Variants in KCNH7 observed in about 807,000 individuals in gnomAD.
The protein encoded by KCNH7 is potassium voltage-gated channel subfamily H member 7.
In KCNH7, 49 loss-of-function variants were observed where a neutral mutation model predicts 120.8. The ratio of observed to expected loss-of-function variants is 0.41; its 90% CI spans 0.32 to 0.51. The LOEUF is 0.51. Ranked by LOEUF, KCNH7 falls within the 20% of genes least tolerant of loss-of-function variation. The pLI, the probability that KCNH7 is intolerant of heterozygous loss-of-function variation, is 0.38. For missense variants in KCNH7, 1,097 were observed against 1,446.6 expected, an observed-to-expected ratio of 0.76 and a Z score of 3.92; for synonymous variants, 547 against 516.1, an observed-to-expected ratio of 1.06 and a Z score of -0.81.
At chr2:162,547,476 G>C (rs1692517743) in intron 2 of KCNH7, among the ~76,000 whole-genome samples, 1 of 152,144 alleles carries the variant, frequency 6.6e-6, no homozygotes, top group African/African-American at 2.4e-5. Context: ...ATCTGATTTT[G>C]ATAATAGCTA....
intron 2 of KCNH7, among the ~76,000 whole-genome samples, chr2:162,778,258 T>A (rs1278276815): frequency 1.3e-5 from 2 of 152,180 alleles, no homozygotes; most frequent in African/African-American, 4.8e-5. Context: ...GTTGATATTA[T>A]ATTATTTATC....
At chr2:162,579,025 T>A (rs1038547298) in intron 2 of KCNH7, among the ~76,000 whole-genome samples, 1 of 151,966 alleles carries the variant, frequency 6.6e-6, no homozygotes, top group Non-Finnish European at 1.5e-5. Flanking sequence ...CATAAAATAA[T>A]CCTATGTGTT....
At chr2:162,386,952 A>G (rs985097316) in intron 12 of KCNH7, among the ~76,000 whole-genome samples, 1 of 151,658 alleles carries the variant, frequency 6.6e-6, no homozygotes, top group Admixed American at 6.6e-5. Context: ...TGTGTTTACA[A>G]AATGTGGTCA....
chr2:162,755,348 T>C (rs899921790), intron 2 of KCNH7, among the ~76,000 whole-genome samples: 23 of 152,102 alleles, frequency 1.5e-4, no homozygotes, highest in African/African-American at 5.6e-4. Context: ...GGTGGGCACC[T>C]GTAATCCTAG....
intron 2 of KCNH7, among the ~76,000 whole-genome samples, chr2:162,647,576 C>T (rs1409028950): frequency 2.0e-5 from 3 of 152,142 alleles, no homozygotes; most frequent in Non-Finnish European, 2.9e-5. Context: ...TTCCCCCATA[C>T]TGTTCTCGTG....
intron 2 of KCNH7, among the ~76,000 whole-genome samples, chr2:162,733,810 C>T (rs573569027): frequency 3.0e-4 from 46 of 152,196 alleles, no homozygotes; most frequent in African/African-American, 1.1e-3. Flanking sequence ...GTGAATAGAA[C>T]AAGATAGAAA....
At position 162,836,820 on chromosome 2, in the gene KCNH7, C is replaced by T. The variant is rs201904360; in HGVS notation, c.77-53G>A. The T allele has an allele frequency of 3.0e-4, 388 of 1,306,592 alleles. 3 individuals carry two copies. In the East Asian group the frequency reaches 4.2e-3, roughly 14 times the overall value. 80.9% of individuals were successfully genotyped at this position (1,306,592 alleles called of 1,614,324 possible). The stretch of plus-strand genomic sequence containing the variant: ...TTGAAAAAGCTTCCACAATATTCTC[C>T]GTAACACTGAAGCAATTTGTTGCAT... On this transcript the variant is annotated intron_variant, in intron 1 of 15. Coordinates refer to ENST00000332142, the MANE Select transcript of KCNH7 (RefSeq NM_033272.4).
chr2:162,786,664 G>T (rs1165486253), intron 2 of KCNH7, among the ~76,000 whole-genome samples: 1 of 152,132 alleles, frequency 6.6e-6, no homozygotes, highest in Non-Finnish European at 1.5e-5. Flanking sequence ...AATGTAAGCT[G>T]CTGTCTAACA....
At chr2:162,396,415 A>G (rs533634561) in intron 11 of KCNH7, among the ~76,000 whole-genome samples, 1 of 151,970 alleles carries the variant, frequency 6.6e-6, no homozygotes, top group African/African-American at 2.4e-5. Flanking sequence ...GTAATTTTCA[A>G]CAGCCTAAAA....
chr2:162,766,355 AG>A (rs1682807076), intron 2 of KCNH7, among the ~76,000 whole-genome samples: 1 of 152,190 alleles, frequency 6.6e-6, no homozygotes, highest in African/African-American at 2.4e-5. Context: ...ACTACAAGAA[AG>A]GGCTTGTGAA....
chr2:162,787,745 C>T (rs1343510955), intron 2 of KCNH7, among the ~76,000 whole-genome samples: 1 of 152,114 alleles, frequency 6.6e-6, no homozygotes, highest in African/African-American at 2.4e-5. Flanking sequence ...ACTCAGTTTC[C>T]AGGTCCATCT....
chr2:162,608,557 G>A (rs1682858392), intron 2 of KCNH7, among the ~76,000 whole-genome samples: 2 of 152,166 alleles, frequency 1.3e-5, no homozygotes, highest in Admixed American at 6.5e-5. Flanking sequence ...AGAAAGGTAT[G>A]TTTGGAGGTG....
chr2:162,814,458 T>C (rs1331026724), intron 2 of KCNH7, among the ~76,000 whole-genome samples: 1 of 152,196 alleles, frequency 6.6e-6, no homozygotes, highest in Non-Finnish European at 1.5e-5. Flanking sequence ...AGGCCTCAAG[T>C]CTTCGCTTCT....
At chr2:162,498,247 C>A (rs1690560314) in intron 6 of KCNH7, among the ~76,000 whole-genome samples, 1 of 151,984 alleles carries the variant, frequency 6.6e-6, no homozygotes, top group Admixed American at 6.6e-5. Context: ...ACTATTTGGT[C>A]ATAGTACGAC....
intron 7 of KCNH7, among the ~76,000 whole-genome samples, chr2:162,444,006 T>A (rs1688504028): frequency 6.6e-6 from 1 of 152,218 alleles, no homozygotes; most frequent in Non-Finnish European, 1.5e-5. Context: ...TTGCTTCCTA[T>A]CAAGTCTCAA....
intron 12 of KCNH7, among the ~76,000 whole-genome samples, chr2:162,386,906 A>C (rs1304593387): frequency 1.3e-5 from 2 of 151,726 alleles, no homozygotes; most frequent in East Asian, 3.9e-4. Context: ...ATGTATTGTT[A>C]AGTTGAATGA....
intron 2 of KCNH7, among the ~76,000 whole-genome samples, chr2:162,672,299 T>G (rs960256881): frequency 2.0e-5 from 3 of 152,102 alleles, no homozygotes; most frequent in African/African-American, 7.2e-5. Context: ...ATTGAGTTTA[T>G]GTACACCATA....
chr2:162,549,412 T>C (rs1692591506), intron 2 of KCNH7, among the ~76,000 whole-genome samples: 1 of 152,260 alleles, frequency 6.6e-6, no homozygotes, highest in African/African-American at 2.4e-5. Context: ...TCTTTTTGCC[T>C]GATGACTTTG....
At chr2:162,604,826 A>G (rs1167402645) in intron 2 of KCNH7, among the ~76,000 whole-genome samples, 1 of 152,066 alleles carries the variant, frequency 6.6e-6, no homozygotes, top group Non-Finnish European at 1.5e-5. Flanking sequence ...TGCCCTAGAA[A>G]GGAGGAAAAG....
Sources: gnomAD v4.1 joint callset for allele counts (sites outside exome capture counted in the v4.1 genomes callset) on GRCh38, gnomAD v4.1.1 for gene constraint, MANE v1.5 for transcripts, NCBI Gene and HGNC (gene_info 2026-07-23, HGNC 2026-07-21) for gene names.